SCAND3: variants seen among roughly 807,000 people sequenced by gnomAD.
The protein encoded by SCAND3 is SCAN domain containing 3, also known as SCAN domain-containing protein 3.
At chr6:28,592,245 G>T in the SCAND3 span, among the ~76,000 whole-genome samples, 1 of 151,980 alleles carries the variant, frequency 6.6e-6, no homozygotes, top group African/African-American at 2.4e-5. This position sits in a 1 kb window ranked among gnomAD's most constrained non-coding sequence, Gnocchi z 4.1. Flanking sequence ...TAAAGTTGCA[G>T]GATACAAAAT....
the SCAND3 span, among the ~76,000 whole-genome samples, chr6:28,612,459 G>A: frequency 6.6e-6 from 1 of 152,164 alleles, no homozygotes; most frequent in Non-Finnish European, 1.5e-5. Flanking sequence ...AAGACTAGAT[G>A]TTGTAAATTA....
At chr6:28,573,702 A>C in the SCAND3 span, 1 of 1,610,078 alleles carries the variant, frequency 6.2e-7, no homozygotes, top group Non-Finnish European at 8.5e-7. Flanking sequence ...AACTAGCATG[A>C]ACTCTTTTGG....
chr6:28,571,149 AC>A, the SCAND3 span: 1 of 152,130 alleles, frequency 6.6e-6, no homozygotes, highest in African/African-American at 2.4e-5. Context: ...CCCCATCTCT[AC>A]TATAAATACA....
chr6:28,594,123 C>G, the SCAND3 span: 2 of 152,236 alleles, frequency 1.3e-5, no homozygotes, highest in Middle Eastern at 6.8e-3. Context: ...GAACAGACAG[C>G]TTTTGTACAT....
the SCAND3 span, chr6:28,573,866 T>C: frequency 6.7e-7 from 1 of 1,490,356 alleles, no homozygotes. Flanking sequence ...TGAATTTTAC[T>C]TTCCTCCTTC....
chr6:28,575,514 T>A, the SCAND3 span: 1 of 1,613,868 alleles, frequency 6.2e-7, no homozygotes, highest in South Asian at 1.1e-5. The surrounding 1 kb of genome is among the most constrained non-coding windows in gnomAD (Gnocchi z 4.2). Flanking sequence ...TACAGAGATC[T>A]TGATAATGCA....
At chr6:28,586,424 C>T in the SCAND3 span, 1 of 1,614,244 alleles carries the variant, frequency 6.2e-7, no homozygotes, top group Admixed American at 1.7e-5. This position sits in a 1 kb window ranked among gnomAD's most constrained non-coding sequence, Gnocchi z 4.4. Flanking sequence ...TCAGGAACTG[C>T]TCCAGCACCA....
chr6:28,588,179 A>G, the SCAND3 span: 1 of 152,242 alleles, frequency 6.6e-6, no homozygotes, highest in Non-Finnish European at 1.5e-5. The surrounding 1 kb of genome is among the most constrained non-coding windows in gnomAD (Gnocchi z 4.1). Context: ...AAAATTCTGT[A>G]TAAAATTTTT....
At chr6:28,602,299 T>C in the SCAND3 span, among the ~76,000 whole-genome samples, 3 of 152,244 alleles carry the variant, frequency 2.0e-5, no homozygotes, top group South Asian at 6.2e-4. Context: ...AACCTTGGCC[T>C]CCCGGGTCAA....
At chr6:28,607,218 G>C in the SCAND3 span, among the ~76,000 whole-genome samples, 6 of 152,104 alleles carry the variant, frequency 3.9e-5, no homozygotes, top group African/African-American at 1.2e-4. Flanking sequence ...TTCAATCCCC[G>C]GCACCTCCAC....
At chr6:28,588,475 T>C in the SCAND3 span, among the ~76,000 whole-genome samples, 1 of 152,188 alleles carries the variant, frequency 6.6e-6, no homozygotes, top group Admixed American at 6.5e-5. The surrounding 1 kb of genome is among the most constrained non-coding windows in gnomAD (Gnocchi z 4.1). Flanking sequence ...TAGACACTTA[T>C]AAAAAAAGTC....
chr6:28,595,330 C>CAAAAAAA, the SCAND3 span, among the ~76,000 whole-genome samples: 84 of 37,280 alleles, frequency 2.3e-3, 3 homozygotes, highest in Admixed American at 3.0e-3. Flanking sequence ...AACCCAGTCT[C>CAAAAAAA]AAAAAAAAAA....
the SCAND3 span, among the ~76,000 whole-genome samples, chr6:28,614,839 T>G: frequency 6.6e-6 from 1 of 152,186 alleles, no homozygotes; most frequent in Non-Finnish European, 1.5e-5. Flanking sequence ...AATAAAAATA[T>G]TCCAGCCTAG....
the SCAND3 span, chr6:28,589,625 CTT>C: frequency 6.6e-6 from 1 of 152,144 alleles, no homozygotes; most frequent in Non-Finnish European, 1.5e-5. Flanking sequence ...TAGAAGAACG[CTT>C]TCAAAGCGTA....
At chr6:28,608,763 C>T in the SCAND3 span, among the ~76,000 whole-genome samples, 49 of 152,228 alleles carry the variant, frequency 3.2e-4, no homozygotes, top group South Asian at 6.6e-3. Context: ...ATTTGAAAAG[C>T]TGAGGCAGGA....
At chr6:28,575,456 C>T in the SCAND3 span, 23 of 1,613,796 alleles carry the variant, frequency 1.4e-5, no homozygotes, top group Non-Finnish European at 1.9e-5. This position sits in a 1 kb window ranked among gnomAD's most constrained non-coding sequence, Gnocchi z 4.2. Flanking sequence ...GCATGTGCAA[C>T]TTCCGTAGGC....
At chr6:28,587,534 G>A in the SCAND3 span, 1 of 152,206 alleles carries the variant, frequency 6.6e-6, no homozygotes, top group Non-Finnish European at 1.5e-5. Flanking sequence ...GCTGGTCTGT[G>A]TTTTCCTGTC....
At chr6:28,612,099 C>A in the SCAND3 span, among the ~76,000 whole-genome samples, 1 of 151,702 alleles carries the variant, frequency 6.6e-6, no homozygotes, top group Non-Finnish European at 1.5e-5. Flanking sequence ...TGCAGTGGCG[C>A]GATCTCAGCT....
chr6:28,604,434 A>G, the SCAND3 span, among the ~76,000 whole-genome samples: 3 of 151,920 alleles, frequency 2.0e-5, no homozygotes, highest in Non-Finnish European at 4.4e-5. Context: ...CTGGCCAACA[A>G]GGTGAAACCC....
Sources: allele counts gnomAD v4.1 joint callset (sites outside exome capture counted in the v4.1 genomes callset), GRCh38; gene constraint gnomAD v4.1.1; non-coding constraint Gnocchi (gnomAD v3.1); transcripts MANE v1.5; gene names NCBI Gene and HGNC (gene_info 2026-07-23, HGNC 2026-07-21).